Variants in TMEM266 observed in about 807,000 individuals in gnomAD.
TMEM266 encodes transmembrane protein 266, also known as Hv1 related protein 1.
A neutral mutation model predicts 50.5 loss-of-function variants in TMEM266; 33 were observed. The observed-to-expected ratio is 0.65, with a 90% CI of 0.50 to 0.87. The LOEUF (loss-of-function observed/expected upper bound fraction) is 0.87, where lower values mean the gene tolerates loss of function less well. Ranked by LOEUF, TMEM266 falls within the 40% of genes least tolerant of loss-of-function variation. The pLI, the probability that TMEM266 is intolerant of heterozygous loss-of-function variation, is 0.00. For missense variants in TMEM266, 655 were observed against 695.1 expected, an observed-to-expected ratio of 0.94 and a Z score of 0.65; for synonymous variants, 310 against 292.3, an observed-to-expected ratio of 1.06 and a Z score of -0.62.
In TMEM266 at chr15:76,182,331, A is replaced by C. The variant is rs1477192089; in HGVS notation, c.768+6657A>C. 2.6e-5 allele frequency among the ~76,000 whole-genome samples: 4 copies of C among 152,046 alleles called. No individual in the cohort carries two copies. In the East Asian group the frequency reaches 7.7e-4, roughly 29 times the overall value. ...TAAATCTGGCCTGCTGGAGGCTTTC[A>C]GTAAGGGTTAAAAAAAAGAGAGAGG... On this transcript the variant is annotated intron_variant, in intron 8 of 10. Transcript: ENST00000388942.
intron 1 of TMEM266, among the ~76,000 whole-genome samples, chr15:76,133,608 C>T (rs2037547741): frequency 6.6e-6 from 1 of 152,100 alleles, no homozygotes; most frequent in South Asian, 2.1e-4. Flanking sequence ...GTAAGTAGCT[C>T]ACTCCAGGTC....
intron 5 of TMEM266, among the ~76,000 whole-genome samples, chr15:76,164,434 C>T (rs1400169379): frequency 6.6e-6 from 1 of 152,158 alleles, no homozygotes; most frequent in Non-Finnish European, 1.5e-5. Context: ...TCTCAAACTC[C>T]TGAGCTCAAG....
At chr15:76,197,850 C>G (rs921263614) in intron 9 of TMEM266, among the ~76,000 whole-genome samples, 2 of 152,252 alleles carry the variant, frequency 1.3e-5, no homozygotes, top group South Asian at 2.1e-4. Flanking sequence ...AGCTGACTCA[C>G]CACCCTTTCT....
Position 76,202,241 on chromosome 15 carries a change from A to T in TMEM266, c.998A>T (p.Gln333Leu). The change falls in exon 10 of 11, where the codon CAG becomes CTG. Residue 333 changes from glutamine to leucine, a missense_variant. Gln to Leu is a moderately radical substitution (Grantham distance 113, BLOSUM62 -2). This residue lies in a region of TMEM266 where 455 missense variants were observed against 401.8 expected (regional missense o/e 1.13). Coordinates refer to ENST00000388942, the MANE Select transcript of TMEM266 (RefSeq NM_152335.3). ...GACGACATGAACAGCTACATCAGTC[A>T]GTATTACAATGGGCCCAGCAGTGGT... 1.2e-6 allele frequency: 2 copies of T among 1,613,966 alleles called. No homozygotes were observed. The highest frequency in any genetic ancestry group is 1.7e-6 in the Non-Finnish European group (2 of 1,179,880).
chr15:76,173,657 G>T (rs978829642), intron 7 of TMEM266, among the ~76,000 whole-genome samples: 3 of 152,220 alleles, frequency 2.0e-5, no homozygotes, highest in Admixed American at 6.5e-5. Context: ...TGCAGGCCAG[G>T]CATGGTGGCT....
intron 9 of TMEM266, among the ~76,000 whole-genome samples, chr15:76,199,351 A>C (rs1040786336): frequency 6.6e-6 from 1 of 152,252 alleles, no homozygotes; most frequent in African/African-American, 2.4e-5. Flanking sequence ...TGTAGGCAAC[A>C]CAGAGAAAGG....
At chr15:76,108,941 A>T (rs1022172666) in intron 1 of TMEM266, 2 of 152,188 alleles carry the variant, frequency 1.3e-5, no homozygotes, top group African/African-American at 4.8e-5. Flanking sequence ...CACTCATCAT[A>T]AACTACTTTA....
intron 8 of TMEM266, among the ~76,000 whole-genome samples, chr15:76,191,253 AGAAGGT>A (rs2038562672): frequency 1.3e-5 from 2 of 152,258 alleles, no homozygotes; most frequent in Non-Finnish European, 2.9e-5. Context: ...CAATAATATC[AGAAGGT>A]GATAAGTGCA....
At chr15:76,112,910 G>A (rs1053783367) in intron 1 of TMEM266, 2 of 152,314 alleles carry the variant, frequency 1.3e-5, no homozygotes, top group African/African-American at 4.8e-5. Context: ...GTGGGCAAGA[G>A]AGAGAGGAAA....
chr15:76,200,188 G>A (rs1425964105), intron 9 of TMEM266, among the ~76,000 whole-genome samples: 1 of 152,146 alleles, frequency 6.6e-6, no homozygotes, highest in Admixed American at 6.5e-5. Context: ...GACCAGAGCT[G>A]CTCCACTTCC....
intron 1 of TMEM266, among the ~76,000 whole-genome samples, chr15:76,077,731 A>T (rs955368393): frequency 6.6e-6 from 1 of 152,042 alleles, no homozygotes; most frequent in Non-Finnish European, 1.5e-5. Context: ...AGCTGGAAGA[A>T]GAAAGGAATG....
At chr15:76,117,585 G>A (rs947559248) in intron 1 of TMEM266, among the ~76,000 whole-genome samples, 17 of 152,094 alleles carry the variant, frequency 1.1e-4, no homozygotes, top group Non-Finnish European at 1.8e-4. Flanking sequence ...GACCCTGAAC[G>A]CAAGCCGTGA....
intron 1 of TMEM266, among the ~76,000 whole-genome samples, chr15:76,066,986 C>T (rs144436568): frequency 3.2e-4 from 48 of 152,254 alleles, no homozygotes; most frequent in Middle Eastern, 3.4e-3. Flanking sequence ...GATTACCCCC[C>T]GTCCCCAGTG....
intron 9 of TMEM266, among the ~76,000 whole-genome samples, chr15:76,199,752 G>A (rs1257802432): frequency 1.1e-5 from 1 of 90,014 alleles, no homozygotes; most frequent in Non-Finnish European, 2.2e-5. Flanking sequence ...AGCTTTGAGA[G>A]TAAACACTAG....
intron 1 of TMEM266, among the ~76,000 whole-genome samples, chr15:76,114,771 C>G (rs1276869735): frequency 1.3e-5 from 2 of 152,142 alleles, no homozygotes; most frequent in African/African-American, 4.8e-5. Context: ...ATCATTACTA[C>G]TATTTAGTTC....
chr15:76,149,200 G>A (rs187961188), intron 3 of TMEM266, among the ~76,000 whole-genome samples: 2 of 152,190 alleles, frequency 1.3e-5, no homozygotes, highest in African/African-American at 2.4e-5. Context: ...TTGGGTTGAT[G>A]GTTCTCACAG....
chr15:76,070,427 C>T (rs1021492940), intron 1 of TMEM266, among the ~76,000 whole-genome samples: 2 of 152,196 alleles, frequency 1.3e-5, no homozygotes, highest in South Asian at 2.1e-4. Flanking sequence ...GTTTTGCTTT[C>T]TGGCCTCTAG....
At chr15:76,066,342 A>G (rs542628671) in intron 1 of TMEM266, among the ~76,000 whole-genome samples, 11 of 152,354 alleles carry the variant, frequency 7.2e-5, no homozygotes, top group Admixed American at 2.6e-4. Flanking sequence ...ATATATAGAA[A>G]TAATTAAAAT....
chr15:76,097,954 AG>A (rs1390981265), intron 1 of TMEM266, among the ~76,000 whole-genome samples: 1 of 151,978 alleles, frequency 6.6e-6, no homozygotes, highest in Non-Finnish European at 1.5e-5. Context: ...CAGCTCCATC[AG>A]GTCATTTATG....
Sources: gnomAD v4.1 joint callset for allele counts (sites outside exome capture counted in the v4.1 genomes callset) on GRCh38, gnomAD v4.1.1 for gene constraint, gnomAD v4.1.1 regional missense constraint, MANE v1.5 for transcripts, NCBI Gene and HGNC (gene_info 2026-07-23, HGNC 2026-07-21) for gene names.